The following PLA2G2F variants were observed in gnomAD, a reference collection of about 807,000 sequenced individuals.
PLA2G2F encodes the protein phospholipase A2 group IIF.
PLA2G2F carries 17 observed loss-of-function variants against 15.9 expected under a neutral mutation model. The observed-to-expected ratio is 1.07, with a 90% CI of 0.73 to 1.60. PLA2G2F has a LOEUF of 1.60. PLA2G2F is among the 40% of genes most tolerant of loss of function. PLA2G2F has a pLI of 0.00. For synonymous variants in PLA2G2F, 119 were observed against 106.5 expected, an observed-to-expected ratio of 1.12 and a Z score of -0.72; for missense variants, 299 against 278.2, an observed-to-expected ratio of 1.07 and a Z score of -0.53.
At chr1:20,143,737 T>TCAC in intron 3 of PLA2G2F, 147 bp downstream of exon 3, 2 of 995,020 alleles carry the variant, frequency 2.0e-6, no homozygotes, top group Non-Finnish European at 2.9e-6. Context: ...CAGAGCCTGG[T>TCAC]CTTTGACTAT....
In PLA2G2F at chr1:20,148,725, C is replaced by T. The variant is rs1481040376; in HGVS notation, c.*324C>T. 13 of 356,228 alleles carry T rather than the reference C, an allele frequency of 3.6e-5. No individual in the cohort carries two copies. Among genetic ancestry groups the T allele is most frequent in the Middle Eastern group, 8.1e-4 (1 of 1,242 alleles). 22.1% of individuals were successfully genotyped at this position (356,228 alleles called of 1,614,324 possible). A position where few individuals can be genotyped will look rare whatever the true frequency, so the allele number is the denominator to read the frequency against. ...CTCTGAGTGGGGCCTCTGTTGCTGG[C>T]GCCAGTTTAACTCCCCGGAGCCTTA... On this transcript the variant is annotated 3_prime_UTR_variant, in exon 5 of 5. Coordinates refer to ENST00000375102, the MANE Select transcript of PLA2G2F (RefSeq NM_022819.4).
chr1:20,148,227 C>T lies in PLA2G2F; in HGVS notation c.462C>T (p.Cys154=). The T allele has an allele frequency of 6.2e-7, 1 of 1,614,040 alleles. No homozygotes were observed. Among genetic ancestry groups the T allele is most frequent in the Non-Finnish European group, 8.5e-7 (1 of 1,179,980 alleles). ...LNKTECDKQT[C]MCDKNMVLCL... is the part of the protein sequence containing the mutation. ...AGACAGAGTGTGACAAGCAGACATG[C>T]ATGTGTGACAAGAACATGGTTCTGT... Residue 154 remains cysteine (C), a synonymous_variant, in exon 5 of 5, where the codon TGC becomes TGT. Coordinates refer to ENST00000375102, the MANE Select transcript of PLA2G2F (RefSeq NM_022819.4).
chr1:20,141,649 CA>C (rs2017476960), intron 2 of PLA2G2F: 2 of 152,432 alleles, frequency 1.3e-5, no homozygotes, highest in South Asian at 2.1e-4. Flanking sequence ...CTTACAAGGC[CA>C]GGGGCAGATG....
chr1:20,147,332 A>G (rs754528746), intron 4 of PLA2G2F, among the ~76,000 whole-genome samples: 5 of 152,196 alleles, frequency 3.3e-5, no homozygotes, highest in Non-Finnish European at 5.9e-5. Context: ...AATTATAACA[A>G]CAGCATAGGG....
intron 2 of PLA2G2F, chr1:20,141,495 TGA>T (rs1454384949): frequency 1.3e-5 from 2 of 152,142 alleles, no homozygotes; most frequent in Non-Finnish European, 2.9e-5. Flanking sequence ...GGCAGGTGTG[TGA>T]GTGTGTGTGA....
intron 4 of PLA2G2F, among the ~76,000 whole-genome samples, chr1:20,146,127 C>T (rs2017599948): frequency 6.6e-6 from 1 of 152,212 alleles, no homozygotes; most frequent in Admixed American, 6.5e-5. Context: ...TTTCAGCCGG[C>T]TCCCCAGATG....
In PLA2G2F at chr1:20,140,397, GCC is replaced by G. The variant is rs2017434475; in HGVS notation, c.169+180_169+181del. On this transcript the variant is annotated intron_variant, in intron 2 of 4. Coordinates refer to ENST00000375102, the MANE Select transcript of PLA2G2F (RefSeq NM_022819.4). ...AATTCTGGGGCTGTTTACCCCTCCA[GCC>G]ACCTGTAAACATGCATTTATGAGCC... 7 of 623,338 alleles carry G rather than the reference GCC, an allele frequency of 1.1e-5. No homozygotes were observed. In the East Asian group the frequency reaches 2.0e-4, roughly 18 times the overall value. 38.6% of individuals were successfully genotyped at this position (623,338 alleles called of 1,614,324 possible).
chr1:20,145,403 T>G (rs2017568053), intron 4 of PLA2G2F, among the ~76,000 whole-genome samples: 1 of 151,562 alleles, frequency 6.6e-6, no homozygotes. Context: ...TGCTTCAGCC[T>G]CCCAAGTAGC....
rs1396308596 is a variant in PLA2G2F at position 20,148,447 on chromosome 1, G to C, written c.*46G>C. The stretch of plus-strand genomic sequence containing the variant: ...GAGAGCGGGAGGAGGGTCTGGCTTG[G>C]GGACCAGACGAGGTGCAGGGAGGGT... On this transcript the variant is annotated 3_prime_UTR_variant, in exon 5 of 5. Coordinates refer to ENST00000375102, the MANE Select transcript of PLA2G2F (RefSeq NM_022819.4). 1 of 1,524,946 alleles carries C rather than the reference G, an allele frequency of 6.6e-7. No individual in the cohort carries two copies. The highest frequency in any genetic ancestry group is 9.0e-7 in the Non-Finnish European group (1 of 1,104,974). 94.5% of individuals were successfully genotyped at this position (1,524,946 alleles called of 1,614,324 possible). A position where few individuals can be genotyped will look rare whatever the true frequency, so the allele number is the denominator to read the frequency against.
rs2017669601 is a variant in PLA2G2F, at chr1:20,148,794, C to G, written c.*393C>G. ...AAGTCTGGGCCTGAGCATCCAGGCCCAGAGCTGGATGCATCCTCGGCCCAA... is the reference window on the plus strand; with the variant it reads ...AAGTCTGGGCCTGAGCATCCAGGCCGAGAGCTGGATGCATCCTCGGCCCAA... On this transcript the variant is annotated 3_prime_UTR_variant, in exon 5 of 5. Transcript: ENST00000375102. The G allele has an allele frequency of 9.8e-6, 2 of 205,094 alleles. No individual in the cohort carries two copies. The highest frequency in any genetic ancestry group is 1.0e-4 in the Admixed American group (2 of 19,082). The allele number at this position is 205,094 out of a possible 1,614,324, so 12.7% of individuals were successfully genotyped here.
Position 20,140,227 on chromosome 1 carries a change from A to G in PLA2G2F, c.169+9A>G, listed in dbSNP as rs1276507288. Reference sequence around the variant, plus strand: ...CATCCTTGCTGGCAGCGGTGAGTAAAGACTCCAGAGGGCTCCTCCTTCTCT... The same window carrying G: ...CATCCTTGCTGGCAGCGGTGAGTAAGGACTCCAGAGGGCTCCTCCTTCTCT... On this transcript the variant is annotated intron_variant, in intron 2 of 4. Coordinates refer to ENST00000375102, the MANE Select transcript of PLA2G2F (RefSeq NM_022819.4). The G allele has an allele frequency of 6.2e-7, 1 of 1,613,566 alleles. No individual in the cohort carries two copies. The highest frequency in any genetic ancestry group is 8.5e-7 in the Non-Finnish European group (1 of 1,179,696).
Position 20,149,191 on chromosome 1 carries a change from C to G in PLA2G2F, c.*790C>G. The G allele has an allele frequency of 6.6e-6, 1 of 152,392 alleles. No individual in the cohort carries two copies. Among genetic ancestry groups the G allele is most frequent in the South Asian group, 2.1e-4 (1 of 4,832 alleles). The allele number at this position is 152,392 out of a possible 1,614,324, so 9.4% of individuals were successfully genotyped here. A position where few individuals can be genotyped will look rare whatever the true frequency, so the allele number is the denominator to read the frequency against. On this transcript the variant is annotated 3_prime_UTR_variant, in exon 5 of 5. Transcript: ENST00000375102. ...CCATGCACATCACCCCAACCCTGCT[C>G]TGCCACACCACGTGGGTCTGAGGAG...
chr1:20,142,036 C>G (rs1025792488), intron 2 of PLA2G2F: 27 of 152,270 alleles, frequency 1.8e-4, no homozygotes, highest in African/African-American at 6.5e-4. Flanking sequence ...ATGTCGGACA[C>G]CATGTCTCTG....
intron 4 of PLA2G2F, among the ~76,000 whole-genome samples, chr1:20,146,703 G>C (rs931305840): frequency 6.6e-6 from 1 of 152,216 alleles, no homozygotes; most frequent in Non-Finnish European, 1.5e-5. Flanking sequence ...TTGGGAAGGA[G>C]TCTAGTGGAG....
At chr1:20,148,098 T>G (rs1257283132) in intron 4 of PLA2G2F, 92 bp from the exon 5 acceptor site, 8 of 1,098,276 alleles carry the variant, frequency 7.3e-6, no homozygotes, top group African/African-American at 1.5e-5. Flanking sequence ...CACTGGGCTC[T>G]CCAAGTCTGT....
At chr1:20,146,992 T>C (rs1446131280) in intron 4 of PLA2G2F, among the ~76,000 whole-genome samples, 1 of 152,194 alleles carries the variant, frequency 6.6e-6, no homozygotes, top group Non-Finnish European at 1.5e-5. Flanking sequence ...GCTGGTACTT[T>C]AGTGTATTTT....
intron 4 of PLA2G2F, 37 bp downstream of exon 4, chr1:20,144,726 G>A: frequency 6.6e-7 from 1 of 1,508,956 alleles, no homozygotes. Context: ...CCCCAGAGAA[G>A]GGAGTGGCTG....
rs150487984 is a variant in PLA2G2F at position 20,148,319 on chromosome 1, C to T, written c.554C>T (p.Thr185Met). The T allele has an allele frequency of 0.011, 18,350 of 1,614,066 alleles. 130 individuals carry two copies. Among genetic ancestry groups the T allele is most frequent in the Non-Finnish European group, 0.013 (15,611 of 1,179,996 alleles). ...CTCAATGTCTACTGCCAGGGCCCCA[C>T]GCCCAACTGCAGCATCTATGAACCG... The part of the protein sequence containing the change: ...GFLNVYCQGP[T>M]PNCSIYEPPP... The change falls in exon 5 of 5, where the codon ACG (threonine) becomes ATG (methionine). Residue 185 changes from threonine (T) to methionine (M), a missense_variant. Coordinates refer to ENST00000375102, the MANE Select transcript of PLA2G2F (RefSeq NM_022819.4).
chr1:20,139,397 C>T lies in PLA2G2F; in HGVS notation c.-31C>T. On this transcript the variant is annotated 5_prime_UTR_variant, in exon 1 of 5. Transcript: ENST00000375102. Reference sequence around the variant, plus strand: ...GGAGCGCATCTCAGACCTTCTGAGACCTATGTTGCTGGCCCCCCAGAACCC... The same window carrying T: ...GGAGCGCATCTCAGACCTTCTGAGATCTATGTTGCTGGCCCCCCAGAACCC... 6.6e-7 allele frequency: 1 copy of T among 1,508,450 alleles called. No homozygotes were observed. The highest frequency in any genetic ancestry group is 1.2e-5 in the South Asian group (1 of 83,096). The allele number at this position is 1,508,450 out of a possible 1,614,324, so 93.4% of individuals were successfully genotyped here.
Sources: gnomAD v4.1 joint callset for allele counts (sites outside exome capture counted in the v4.1 genomes callset) on GRCh38, gnomAD v4.1.1 for gene constraint, MANE v1.5 for transcripts, NCBI Gene and HGNC (gene_info 2026-07-23, HGNC 2026-07-21) for gene names.